Variants in LGI1 observed in about 807,000 individuals in gnomAD.
LGI1 encodes the protein leucine-rich glioma-inactivated protein 1.
A neutral mutation model predicts 57.7 loss-of-function variants in LGI1; 11 were observed. That is an observed-to-expected ratio of 0.19 (90% CI 0.12 to 0.32). The LOEUF (loss-of-function observed/expected upper bound fraction) is 0.32, where lower values mean the gene tolerates loss of function less well. LGI1 is among the 10% of genes least tolerant of loss of function. LGI1 has a pLI of 1.00. For missense variants in LGI1, 422 were observed against 661.9 expected, an observed-to-expected ratio of 0.64 and a Z score of 3.98; for synonymous variants, 222 against 241.9, an observed-to-expected ratio of 0.92 and a Z score of 0.76.
intron 7 of LGI1, chr10:93,794,414 A>AGTG (rs1403810261): frequency 8.3e-6 from 1 of 121,200 alleles, no homozygotes; most frequent in Non-Finnish European, 1.6e-5. Flanking sequence ...CCCAGGCTGG[A>AGTG]GTGCAGTGGC....
intron 2 of LGI1, among the ~76,000 whole-genome samples, chr10:93,760,095 A>G (rs1050545508): frequency 2.0e-5 from 3 of 152,268 alleles, no homozygotes; most frequent in Non-Finnish European, 4.4e-5. Flanking sequence ...TGTATATGAA[A>G]TTCCTAAACT....
chr10:93,773,039 C>T (rs1232387135), intron 2 of LGI1: 1 of 151,184 alleles, frequency 6.6e-6, no homozygotes, highest in African/African-American at 2.4e-5. Context: ...AAGATCGCGC[C>T]ACTGCACTCC....
chr10:93,783,436 G>C (rs1167945226), intron 4 of LGI1, among the ~76,000 whole-genome samples: 1 of 152,154 alleles, frequency 6.6e-6, no homozygotes, highest in Admixed American at 6.5e-5. Flanking sequence ...CTTTGAACCA[G>C]GACCTAGAGA....
At chr10:93,762,245 G>C (rs964959421) in intron 2 of LGI1, among the ~76,000 whole-genome samples, 1 of 152,200 alleles carries the variant, frequency 6.6e-6, no homozygotes, top group Non-Finnish European at 1.5e-5. Flanking sequence ...ATGTGGTCTT[G>C]TTTGAAAGAC....
intron 7 of LGI1, chr10:93,794,072 G>C (rs1193704861): frequency 7.5e-6 from 1 of 133,248 alleles, no homozygotes; most frequent in Non-Finnish European, 1.5e-5. Context: ...AGGCTGGAGT[G>C]CAGTGGCACA....
intron 2 of LGI1, chr10:93,771,452 G>A (rs1043253517): frequency 6.6e-6 from 1 of 152,106 alleles, no homozygotes; most frequent in African/African-American, 2.4e-5. Context: ...TCACTTATAA[G>A]TGGGGGCTAA....
chr10:93,783,165 C>CA (rs930557031), intron 4 of LGI1: 4 of 4,782 alleles, frequency 8.4e-4, no homozygotes, highest in African/African-American at 9.0e-4. Context: ...ATCACAAGGT[C>CA]AGAGATCGAG....
At chr10:93,793,630 A>G (rs555159644) in intron 7 of LGI1, among the ~76,000 whole-genome samples, 31 of 152,338 alleles carry the variant, frequency 2.0e-4, no homozygotes, top group Non-Finnish European at 4.1e-4. Context: ...TAAATATTTG[A>G]TTATTTTTCT....
chr10:93,776,981 C>A, intron 2 of LGI1: 1 of 218,664 alleles, frequency 4.6e-6, no homozygotes, highest in South Asian at 7.6e-5. Flanking sequence ...GGCTCAAAAC[C>A]GCAAAGTACC....
intron 7 of LGI1, chr10:93,794,405 C>T (rs1267197431): frequency 2.8e-5 from 4 of 143,008 alleles, no homozygotes; most frequent in Non-Finnish European, 6.0e-5. Context: ...GCTCTGTTAC[C>T]CAGGCTGGAG....
At chr10:93,760,210 C>T in intron 2 of LGI1, among the ~76,000 whole-genome samples, 1 of 152,154 alleles carries the variant, frequency 6.6e-6, no homozygotes, top group East Asian at 1.9e-4. Flanking sequence ...AAATGATTAG[C>T]AATTGACTAG....
chr10:93,783,479 C>G (rs1392213861), intron 4 of LGI1, among the ~76,000 whole-genome samples: 1 of 152,200 alleles, frequency 6.6e-6, no homozygotes, highest in Non-Finnish European at 1.5e-5. Flanking sequence ...TTTAAAGAGC[C>G]TCCACGTTGC....
chr10:93,779,683 C>G (rs1177249118), intron 4 of LGI1, among the ~76,000 whole-genome samples: 1 of 152,170 alleles, frequency 6.6e-6, no homozygotes, highest in African/African-American at 2.4e-5. Context: ...GATGCCCTTT[C>G]TTTAGCAGTA....
chr10:93,795,162 C>T (rs2059969610), intron 7 of LGI1, among the ~76,000 whole-genome samples: 1 of 152,142 alleles, frequency 6.6e-6, no homozygotes, highest in Non-Finnish European at 1.5e-5. Context: ...AGAAATAAAT[C>T]ATACATCTGC....
At chr10:93,791,720 G>A (rs181346842) in intron 5 of LGI1, 1 of 152,330 alleles carries the variant, frequency 6.6e-6, no homozygotes, top group East Asian at 1.9e-4. Context: ...CAGAAGCAAT[G>A]CAAATACACA....
chr10:93,769,668 T>G (rs1487307711), intron 2 of LGI1: 1 of 152,268 alleles, frequency 6.6e-6, no homozygotes, highest in Non-Finnish European at 1.5e-5. Flanking sequence ...CTACTTGATG[T>G]GTAAACATAC....
At chr10:93,779,269 G>T (rs80077370) in intron 4 of LGI1, among the ~76,000 whole-genome samples, 7,833 of 151,182 alleles carry the variant, frequency 0.052, 392 homozygotes, top group African/African-American at 0.13. Context: ...CTGTAGGGAG[G>T]ATGCACAGCC....
chr10:93,772,390 A>C (rs994670221), intron 2 of LGI1, among the ~76,000 whole-genome samples: 1 of 152,156 alleles, frequency 6.6e-6, no homozygotes, highest in Non-Finnish European at 1.5e-5. Context: ...TCATAAGGAA[A>C]TAAGTAGAGA....
At chr10:93,788,553 T>G (rs1393283281) in intron 4 of LGI1, 1 of 152,232 alleles carries the variant, frequency 6.6e-6, no homozygotes, top group African/African-American at 2.4e-5. Context: ...AGCCAGTAAA[T>G]GCTGGAGTCA....
Sources: gnomAD v4.1 joint callset for allele counts (sites outside exome capture counted in the v4.1 genomes callset) on GRCh38, gnomAD v4.1.1 for gene constraint, MANE v1.5 for transcripts, NCBI Gene and HGNC (gene_info 2026-07-23, HGNC 2026-07-21) for gene names.